MYO6: variants seen among roughly 807,000 people sequenced by gnomAD.
MYO6 encodes the protein myosin VI.
In MYO6, 74 loss-of-function variants were observed where a neutral mutation model predicts 178.7. That is an observed-to-expected ratio of 0.41 (90% CI 0.34 to 0.50). The LOEUF is 0.50. Among genes scored for constraint, MYO6 ranks in the 20% least tolerant of loss-of-function variants. The pLI is 0.09. For missense variants in MYO6, 1,330 were observed against 1,547.4 expected, an observed-to-expected ratio of 0.86 and a Z score of 2.36; for synonymous variants, 477 against 504.6, an observed-to-expected ratio of 0.95 and a Z score of 0.73.
intron 1 of MYO6, among the ~76,000 whole-genome samples, chr6:75,788,813 T>G (rs1033236016): frequency 6.6e-6 from 1 of 152,134 alleles, no homozygotes; most frequent in Non-Finnish European, 1.5e-5. Flanking sequence ...TTGGAGGAAC[T>G]TGGAGCAGTT....
intron 12 of MYO6, 50 bp from the exon 13 acceptor site, chr6:75,857,047 C>A: frequency 1.3e-6 from 2 of 1,577,322 alleles, no homozygotes; most frequent in Non-Finnish European, 1.7e-6. Context: ...GTGGCATTTT[C>A]ACAGTGCACT....
At chr6:75,895,201 G>T (rs759504342) in intron 28 of MYO6, 30 bp from the exon 29 acceptor site, 3 of 1,557,696 alleles carry the variant, frequency 1.9e-6, no homozygotes, top group South Asian at 1.1e-5. Context: ...AATTGGTTAC[G>T]ATATTAACTA....
intron 11 of MYO6, among the ~76,000 whole-genome samples, chr6:75,853,844 T>G (rs1431341671): frequency 4.6e-5 from 7 of 152,184 alleles, no homozygotes; most frequent in Non-Finnish European, 8.8e-5. Context: ...GAATAGTTAA[T>G]CGTTAGTACT....
chr6:75,836,379 T>G (rs1773643964), intron 7 of MYO6, among the ~76,000 whole-genome samples: 1 of 152,192 alleles, frequency 6.6e-6, no homozygotes, highest in African/African-American at 2.4e-5. Flanking sequence ...TTGATTTCCT[T>G]AAGCTATCCA....
chr6:75,757,137 G>A (rs1036616478), intron 1 of MYO6, among the ~76,000 whole-genome samples: 4 of 146,358 alleles, frequency 2.7e-5, no homozygotes, highest in Admixed American at 1.4e-4. Flanking sequence ...ATATACAAGA[G>A]TACTTATGTG....
intron 28 of MYO6, among the ~76,000 whole-genome samples, chr6:75,893,494 T>C (rs1271949610): frequency 6.6e-6 from 1 of 152,084 alleles, no homozygotes; most frequent in Non-Finnish European, 1.5e-5. Flanking sequence ...TGACAAAATA[T>C]AGAGTACAAC....
chr6:75,844,032 A>G (rs1262941261), intron 9 of MYO6, among the ~76,000 whole-genome samples: 1 of 152,176 alleles, frequency 6.6e-6, no homozygotes, highest in Non-Finnish European at 1.5e-5. Context: ...CTCTGTGTAC[A>G]TCCTTTCTGA....
chr6:75,813,457 C>T (rs1332144453), intron 1 of MYO6, among the ~76,000 whole-genome samples: 1 of 152,176 alleles, frequency 6.6e-6, no homozygotes, highest in Admixed American at 6.5e-5. Context: ...AGGGCACATC[C>T]AGAAATGCCA....
intron 6 of MYO6, among the ~76,000 whole-genome samples, chr6:75,835,635 T>G (rs1237525459): frequency 6.6e-6 from 1 of 152,174 alleles, no homozygotes; most frequent in Admixed American, 6.5e-5. Context: ...TTTCACCATG[T>G]TGGCCAGGCT....
At chr6:75,812,043 A>T (rs920745856) in intron 1 of MYO6, among the ~76,000 whole-genome samples, 7 of 152,052 alleles carry the variant, frequency 4.6e-5, no homozygotes, top group African/African-American at 1.7e-4. Flanking sequence ...TCCAGAGACA[A>T]GGTCTTACTC....
rs562363315 is a variant in MYO6, at chr6:75,785,599, A to G, written c.-47-31902A>G. On this transcript the variant is annotated intron_variant, in intron 1 of 34. Transcript: ENST00000369977. ...GCGATCGTCCCGTGGAGCTAGGAAT[A>G]TAGGCACGTGCTACCACTGCCTGGC... is the stretch of plus-strand genomic sequence containing the variant. Among the ~76,000 whole-genome samples, 63 of 150,644 alleles carry G rather than the reference A, an allele frequency of 4.2e-4. No homozygotes were observed. In the South Asian group the frequency reaches 0.013, roughly 31 times the overall value.
intron 1 of MYO6, among the ~76,000 whole-genome samples, chr6:75,788,505 G>GA (rs1165641272): frequency 3.3e-5 from 5 of 152,180 alleles, no homozygotes; most frequent in African/African-American, 4.8e-5. Flanking sequence ...AGCAGATCCT[G>GA]AAAAAAACGA....
intron 7 of MYO6, among the ~76,000 whole-genome samples, chr6:75,837,185 A>T (rs1773726814): frequency 6.6e-6 from 1 of 152,232 alleles, no homozygotes; most frequent in African/African-American, 2.4e-5. Flanking sequence ...CATATATGGG[A>T]TGTATTAGGC....
intron 25 of MYO6, among the ~76,000 whole-genome samples, 182 bp downstream of exon 25, chr6:75,887,176 A>G (rs904918586): frequency 1.3e-5 from 2 of 152,186 alleles, no homozygotes; most frequent in Non-Finnish European, 2.9e-5. Context: ...GAAAAATTTC[A>G]TAGCAAAAAG....
intron 3 of MYO6, among the ~76,000 whole-genome samples, chr6:75,824,576 A>G (rs1772242215): frequency 6.6e-6 from 1 of 152,094 alleles, no homozygotes; most frequent in Admixed American, 6.6e-5. Flanking sequence ...GCACACACAC[A>G]CAGGGTCTCA....
In MYO6 at chr6:75,836,783, A is replaced by G. The variant is rs918438390; in HGVS notation, c.553+827A>G. 3.6e-4 allele frequency among the ~76,000 whole-genome samples: 54 copies of G among 151,738 alleles called. 1 individual carries two copies. The highest frequency in any genetic ancestry group is 1.3e-3 in the African/African-American group (53 of 41,326). ...TTTTTAGTAGAGATGGGGTTTCACCATGTTGGCCAGGCTGGTCTTGAACTC... is the reference window on the plus strand; with the variant it reads ...TTTTTAGTAGAGATGGGGTTTCACCGTGTTGGCCAGGCTGGTCTTGAACTC... On this transcript the variant is annotated intron_variant, in intron 7 of 34. Coordinates refer to ENST00000369977, the MANE Select transcript of MYO6 (RefSeq NM_004999.4).
At chr6:75,801,016 C>T (rs1267871870) in intron 1 of MYO6, among the ~76,000 whole-genome samples, 1 of 152,200 alleles carries the variant, frequency 6.6e-6, no homozygotes. Context: ...AGCCACCGTG[C>T]CTGGCCACAT....
rs1780975902 is a variant in MYO6 at position 75,914,132 on chromosome 6, T to G, written c.3509T>G (p.Phe1170Cys). The change falls in exon 34 of 35, where the codon TTC (phenylalanine) becomes TGC (cysteine). Residue 1170 changes from phenylalanine (F) to cysteine (C), a missense_variant. By Grantham distance (205) the Phe-to-Cys change is radical (BLOSUM62 -2). This residue lies in a region of MYO6 where 601 missense variants were observed against 626.1 expected (regional missense o/e 0.96). Transcript: ENST00000369977. The part of the protein sequence containing the change: ...REIEMNRQQR[F>C]FRIPFIRPAD... The stretch of plus-strand genomic sequence containing the variant: ...ATTGAAATGAACCGACAGCAACGCT[T>G]CTTCCGCATCCCATTCATCCGCCCT... The G allele has an allele frequency of 1.2e-6, 2 of 1,614,130 alleles. No homozygotes were observed. The highest frequency in any genetic ancestry group is 1.7e-6 in the Non-Finnish European group (2 of 1,180,032).
chr6:75,839,333 C>T (rs895154928), intron 7 of MYO6, among the ~76,000 whole-genome samples: 17 of 151,786 alleles, frequency 1.1e-4, no homozygotes, highest in Middle Eastern at 6.8e-3. Context: ...GGACTACAGG[C>T]ACCTGCCACC....
Sources: allele counts gnomAD v4.1 joint callset (sites outside exome capture counted in the v4.1 genomes callset), GRCh38; gene constraint gnomAD v4.1.1; regional missense constraint gnomAD v4.1.1; transcripts MANE v1.5; gene names NCBI Gene and HGNC (gene_info 2026-07-23, HGNC 2026-07-21).